Variants in ATF7IP observed in about 807,000 individuals in gnomAD.
ATF7IP encodes activating transcription factor 7 interacting protein.
ATF7IP carries 23 observed loss-of-function variants against 106.4 expected under a neutral mutation model. That is an observed-to-expected ratio of 0.22 (90% CI 0.16 to 0.31). The LOEUF (loss-of-function observed/expected upper bound fraction) is 0.31, where lower values mean the gene tolerates loss of function less well. ATF7IP is among the 10% of genes least tolerant of loss of function. The probability of loss-of-function intolerance (pLI) is 1.00; values close to 1 mark genes in which losing one functional copy is unlikely to be tolerated. For missense variants in ATF7IP, 1,334 were observed against 1,524.3 expected, an observed-to-expected ratio of 0.88 and a Z score of 2.08; for synonymous variants, 542 against 539.0, an observed-to-expected ratio of 1.01 and a Z score of -0.08.
At chr12:14,460,392 T>C in intron 8 of ATF7IP, 103 bp from the exon 9 acceptor site, 2 of 1,165,282 alleles carry the variant, frequency 1.7e-6, no homozygotes, top group African/African-American at 1.5e-5. Flanking sequence ...TTTACAGTCT[T>C]TGCAATGTAT....
At chr12:14,367,265 C>T (rs1178243679) in intron 1 of ATF7IP, 1 of 151,922 alleles carries the variant, frequency 6.6e-6, no homozygotes, top group Non-Finnish European at 1.5e-5. Flanking sequence ...AAACAAATAC[C>T]ATTAGTAAAT....
intron 6 of ATF7IP, among the ~76,000 whole-genome samples, chr12:14,452,045 G>GGTGT (rs144274911): frequency 2.0e-5 from 3 of 151,090 alleles, no homozygotes; most frequent in Non-Finnish European, 4.4e-5. Flanking sequence ...CTGATGTAGG[G>GGTGT]GTGTGTGTGT....
rs114093937 is a variant in ATF7IP at position 14,488,378 on chromosome 12, C to G, written c.3280+7193C>G. 4.4e-3 allele frequency among the ~76,000 whole-genome samples: 666 copies of G among 152,116 alleles called. 4 individuals are homozygous for G. Among genetic ancestry groups the G allele is most frequent in the African/African-American group, 0.015 (638 of 41,502 alleles). On this transcript the variant is annotated intron_variant, in intron 13 of 14. Transcript: ENST00000261168. ...CCCAAAAACAGAGGAACTTGGAGGC[C>G]GATGTTTCAGGGTAGGAAGCATCCA...
intron 1 of ATF7IP, among the ~76,000 whole-genome samples, chr12:14,408,328 A>G (rs902970261): frequency 6.6e-6 from 1 of 152,152 alleles, no homozygotes; most frequent in African/African-American, 2.4e-5. Flanking sequence ...TTATATTCGC[A>G]TCTATTCTAA....
chr12:14,412,526 A>G lies in ATF7IP; in HGVS notation c.-7-11383A>G, dbSNP rs1042898234. Reference sequence around the variant, plus strand: ...AAAATTAATTTTTGATATTACTCTAAATGAGATTGTTTTATTTTTGGATCA... The same window carrying G: ...AAAATTAATTTTTGATATTACTCTAGATGAGATTGTTTTATTTTTGGATCA... On this transcript the variant is annotated intron_variant, in intron 1 of 14. Transcript: ENST00000261168. Among the ~76,000 whole-genome samples, 9 of 152,206 alleles carry G rather than the reference A, an allele frequency of 5.9e-5. No homozygotes were observed. The East Asian group carries it at 1.5e-3, about 26-fold the overall frequency.
In ATF7IP at chr12:14,460,642, G is replaced by A. The variant is rs759056693; in HGVS notation, c.2306G>A (p.Ser769Asn). Reference protein sequence around the residue: ...ATVVATTQVPSGNPQPTISLQ... With the variant: ...ATVVATTQVPNGNPQPTISLQ... ...GTAGTTGCTACTACTCAGGTGCCTA[G>A]TGGAAATCCCCAGCCTACAATCTCT... The change falls in exon 9 of 15, where the codon AGT becomes AAT. Residue 769 changes from serine to asparagine, a missense_variant. Physicochemically the swap from Ser to Asn is conservative, Grantham distance 46 (BLOSUM62 1). Transcript: ENST00000261168. 1.2e-6 allele frequency: 2 copies of A among 1,614,054 alleles called. No individual in the cohort carries two copies. The highest frequency in any genetic ancestry group is 1.7e-6 in the Non-Finnish European group (2 of 1,180,038).
chr12:14,473,805 G>GA lies in ATF7IP; in HGVS notation c.2863-2085_2863-2084insA, dbSNP rs201633822. On this transcript the variant is annotated intron_variant, in intron 10 of 14. Transcript: ENST00000261168. ...CATCATTGGATATAGAATTCTTAAA[G>GA]GTTTTTTTTTTTTTAAATTATCGGC... 4.4e-3 allele frequency among the ~76,000 whole-genome samples: 620 copies of GA among 140,030 alleles called. 5 individuals carry two copies. The highest frequency in any genetic ancestry group is 0.015 in the African/African-American group (596 of 38,998). 91.9% of individuals were successfully genotyped at this position (140,030 alleles called of 152,430 possible). A position where few individuals can be genotyped will look rare whatever the true frequency, so the allele number is the denominator to read the frequency against.
rs1035816663 is a variant in ATF7IP, at chr12:14,499,895, A to C, written c.*1822A>C. 6.6e-6 allele frequency: 1 copy of C among 152,220 alleles called. No homozygotes were observed. The highest frequency in any genetic ancestry group is 1.5e-5 in the Non-Finnish European group (1 of 68,046). 9.4% of individuals were successfully genotyped at this position (152,220 alleles called of 1,614,324 possible). On this transcript the variant is annotated 3_prime_UTR_variant, in exon 15 of 15. Transcript: ENST00000261168. ...AACAATTAGATATAACCTCCTGTGT[A>C]TCTCTCTGTTCCTCTTCAAAGTTAT...
chr12:14,441,538 G>A (rs983863546), intron 5 of ATF7IP, among the ~76,000 whole-genome samples: 1 of 133,690 alleles, frequency 7.5e-6, no homozygotes, highest in Non-Finnish European at 1.5e-5. Context: ...TTCCCAGGCT[G>A]GAGTGCAATG....
At chr12:14,432,603 C>T (rs1342649941) in intron 2 of ATF7IP, among the ~76,000 whole-genome samples, 4 of 152,228 alleles carry the variant, frequency 2.6e-5, no homozygotes, top group East Asian at 3.9e-4. Context: ...ATACTTCTAG[C>T]GCCTTAATAG....
intron 13 of ATF7IP, among the ~76,000 whole-genome samples, chr12:14,483,683 C>CCATA (rs1454594545): frequency 1.3e-5 from 2 of 152,076 alleles, no homozygotes; most frequent in Non-Finnish European, 2.9e-5. Flanking sequence ...AGAAACAGCA[C>CCATA]CATATATAAT....
intron 13 of ATF7IP, among the ~76,000 whole-genome samples, chr12:14,489,701 G>A (rs117017436): frequency 0.12 from 17,946 of 152,114 alleles, 1,399 homozygotes; most frequent in South Asian, 0.23. Flanking sequence ...CCATTCCACC[G>A]TTCTGTAAAT....
intron 9 of ATF7IP, 123 bp from the exon 10 acceptor site, chr12:14,466,403 T>G (rs1197278309): frequency 2.7e-6 from 2 of 736,202 alleles, no homozygotes; most frequent in South Asian, 1.6e-5. Context: ...GAGTTTTTAT[T>G]TATGTATGTG....
At chr12:14,378,447 C>G (rs1253975318) in intron 1 of ATF7IP, among the ~76,000 whole-genome samples, 1 of 152,102 alleles carries the variant, frequency 6.6e-6, no homozygotes, top group African/African-American at 2.4e-5. Context: ...TTTTTGGTGG[C>G]TTCTTTAGCT....
At chr12:14,376,830 G>A (rs1938755420) in intron 1 of ATF7IP, among the ~76,000 whole-genome samples, 1 of 152,148 alleles carries the variant, frequency 6.6e-6, no homozygotes, top group Non-Finnish European at 1.5e-5. Context: ...GGAGGCTGAG[G>A]CAGGAGAATC....
At chr12:14,468,502 A>C (rs1325268586) in intron 10 of ATF7IP, among the ~76,000 whole-genome samples, 4 of 151,566 alleles carry the variant, frequency 2.6e-5, no homozygotes, top group Non-Finnish European at 5.9e-5. Flanking sequence ...TTAAAAAAAA[A>C]AAAAAAGACA....
intron 1 of ATF7IP, among the ~76,000 whole-genome samples, chr12:14,391,217 G>A (rs189025843): frequency 7.8e-4 from 119 of 152,348 alleles, no homozygotes; most frequent in African/African-American, 2.5e-3. Context: ...TATGGAAATT[G>A]TGAAAACAGC....
intron 1 of ATF7IP, among the ~76,000 whole-genome samples, chr12:14,412,798 G>A (rs11055968): frequency 0.33 from 49,626 of 151,886 alleles, 9,295 homozygotes; most frequent in Admixed American, 0.47. Flanking sequence ...TGGATCACCT[G>A]AGCTTGGCAG....
Position 14,461,057 on chromosome 12 carries a change from A to G in ATF7IP, c.2721A>G (p.Ile907Met), listed in dbSNP as rs764274569. 2 of 1,614,166 alleles carry G rather than the reference A, an allele frequency of 1.2e-6. No homozygotes were observed. Among genetic ancestry groups the G allele is most frequent in the Non-Finnish European group, 8.5e-7 (1 of 1,180,016 alleles). Reference sequence around the variant, plus strand: ...GTCCATCAACTAATCGAGGTCCTATACAGATGAAAATTCCAATTTCTGCAT... The same window carrying G: ...GTCCATCAACTAATCGAGGTCCTATGCAGATGAAAATTCCAATTTCTGCAT... ...LYSPSTNRGPIQMKIPISAFS... is the reference protein window; with the variant it reads ...LYSPSTNRGPMQMKIPISAFS... The change falls in exon 9 of 15, where the codon ATA (isoleucine) becomes ATG (methionine). Residue 907 changes from isoleucine to methionine, a missense_variant. Physicochemically the swap from Ile to Met is conservative, Grantham distance 10. This residue lies in a region of ATF7IP where 370 missense variants were observed against 401.2 expected (regional missense o/e 0.92). Coordinates refer to ENST00000261168, the MANE Select transcript of ATF7IP (RefSeq NM_018179.5).
Sources: allele counts gnomAD v4.1 joint callset (sites outside exome capture counted in the v4.1 genomes callset), GRCh38; gene constraint gnomAD v4.1.1; regional missense constraint gnomAD v4.1.1; transcripts MANE v1.5; gene names NCBI Gene and HGNC (gene_info 2026-07-23, HGNC 2026-07-21).